Variants in TNFSF4 observed in about 807,000 individuals in gnomAD.
TNFSF4 encodes tumor necrosis factor ligand superfamily member 4.
A neutral mutation model predicts 7.3 loss-of-function variants in TNFSF4; 4 were observed. That is an observed-to-expected ratio of 0.55 (90% CI 0.27 to 1.25). The LOEUF is 1.25. TNFSF4 is among the 50% of genes most tolerant of loss of function. The pLI is 0.12. For synonymous variants in TNFSF4, 76 were observed against 83.7 expected (o/e 0.91, Z 0.50); for missense variants, 181 against 208.8 (o/e 0.87, Z 0.82).
chr1:173,309,391 T>C, the TNFSF4 span, among the ~76,000 whole-genome samples: 4 of 151,948 alleles, frequency 2.6e-5, no homozygotes, highest in Admixed American at 6.6e-5. Context: ...TATCCTTTCA[T>C]AGTTTACTGA....
Position 173,206,970 on chromosome 1 carries a change from C to G in TNFSF4, c.153+54G>C, listed in dbSNP as rs372911992. On this transcript the variant is annotated intron_variant, in intron 1 of 2. Coordinates refer to ENST00000281834, the MANE Select transcript of TNFSF4 (RefSeq NM_003326.5). ...TCCAAGCGACTGTTTGCAGCTGTTGCAGCTGCCATCAGCATGAGCTGGTGG... is the reference window on the plus strand; with the variant it reads ...TCCAAGCGACTGTTTGCAGCTGTTGGAGCTGCCATCAGCATGAGCTGGTGG... The G allele has an allele frequency of 4.0e-5, 62 of 1,535,296 alleles. No individual in the cohort carries two copies. In the East Asian group the frequency reaches 9.5e-4, roughly 24 times the overall value.
the TNFSF4 span, among the ~76,000 whole-genome samples, chr1:173,292,757 G>A: frequency 6.6e-6 from 1 of 151,988 alleles, no homozygotes; most frequent in Admixed American, 6.6e-5. Flanking sequence ...CAAAGACTCT[G>A]CCAAAAGGGT....
chr1:173,301,179 T>C, the TNFSF4 span, among the ~76,000 whole-genome samples: 1 of 151,966 alleles, frequency 6.6e-6, no homozygotes, highest in Non-Finnish European at 1.5e-5. Flanking sequence ...ATGAAGAAGC[T>C]ATTATCTTTA....
chr1:173,229,152 A>T, the TNFSF4 span, among the ~76,000 whole-genome samples: 11 of 152,240 alleles, frequency 7.2e-5, no homozygotes, highest in African/African-American at 2.7e-4. Flanking sequence ...GTTGAAATGA[A>T]GGAAAAAATG....
the TNFSF4 span, among the ~76,000 whole-genome samples, chr1:173,214,057 G>A: frequency 1.4e-4 from 21 of 152,180 alleles, no homozygotes; most frequent in African/African-American, 4.6e-4. Context: ...GAGAAACCCT[G>A]ATGTGGATAC....
the TNFSF4 span, among the ~76,000 whole-genome samples, chr1:173,243,000 TGGGTGGG>T: frequency 3.0e-3 from 16 of 5,410 alleles, 5 homozygotes; most frequent in Non-Finnish European, 5.5e-3. Flanking sequence ...AAGAAGTTGG[TGGGTGGG>T]GGGGGGGGGG....
chr1:173,299,229 G>T, the TNFSF4 span, among the ~76,000 whole-genome samples: 5 of 151,948 alleles, frequency 3.3e-5, no homozygotes, highest in South Asian at 1.0e-3. Flanking sequence ...CTGCTTTTAG[G>T]AGTATTGACA....
chr1:173,278,601 T>C, the TNFSF4 span, among the ~76,000 whole-genome samples: 2 of 152,226 alleles, frequency 1.3e-5, no homozygotes, highest in Admixed American at 1.3e-4. Context: ...GCACTTTACA[T>C]CTTAACAAAT....
chr1:173,214,476 A>T, the TNFSF4 span, among the ~76,000 whole-genome samples: 1 of 152,248 alleles, frequency 6.6e-6, no homozygotes, highest in Non-Finnish European at 1.5e-5. Flanking sequence ...CTTCCTGTCA[A>T]TTCGATCAAG....
chr1:173,290,645 C>T, the TNFSF4 span, among the ~76,000 whole-genome samples: 4 of 152,258 alleles, frequency 2.6e-5, no homozygotes, highest in Non-Finnish European at 5.9e-5. Context: ...GAGACTTCAA[C>T]ACCCCACTGA....
chr1:173,389,875 T>C, the TNFSF4 span, among the ~76,000 whole-genome samples: 1 of 152,210 alleles, frequency 6.6e-6, no homozygotes, highest in African/African-American at 2.4e-5. Flanking sequence ...TAGCTTCTTC[T>C]ATTTGTTGAG....
the TNFSF4 span, among the ~76,000 whole-genome samples, chr1:173,295,321 G>A: frequency 1.3e-5 from 2 of 151,980 alleles, no homozygotes; most frequent in Non-Finnish European, 2.9e-5. Flanking sequence ...GCTAAAAGCT[G>A]AAAACAACCT....
chr1:173,444,751 G>C, the TNFSF4 span, among the ~76,000 whole-genome samples: 1 of 152,144 alleles, frequency 6.6e-6, no homozygotes, highest in Non-Finnish European at 1.5e-5. Flanking sequence ...AGGGGTGGGA[G>C]AAGAGAAGAA....
the TNFSF4 span, among the ~76,000 whole-genome samples, chr1:173,372,474 C>A: frequency 6.6e-6 from 1 of 152,194 alleles, no homozygotes; most frequent in South Asian, 2.1e-4. Context: ...GGGAATAGCT[C>A]TTGGAGTCCT....
chr1:173,342,655 C>T, the TNFSF4 span, among the ~76,000 whole-genome samples: 1 of 152,182 alleles, frequency 6.6e-6, no homozygotes, highest in Non-Finnish European at 1.5e-5. Context: ...CCTCCCTCCT[C>T]CCTCTTAACA....
At chr1:173,182,930 T>G (rs940535813), downstream of TNFSF4, among the ~76,000 whole-genome samples, 1 of 152,192 alleles carries the variant, frequency 6.6e-6, no homozygotes, top group African/African-American at 2.4e-5. Flanking sequence ...AAGCTGCCAC[T>G]CTGTTTGGGA....
At chr1:173,431,430 C>T in the TNFSF4 span, among the ~76,000 whole-genome samples, 3 of 152,188 alleles carry the variant, frequency 2.0e-5, no homozygotes, top group Non-Finnish European at 2.9e-5. Flanking sequence ...AAGAGCCATG[C>T]GCTGATTGTT....
chr1:173,256,627 A>G, the TNFSF4 span, among the ~76,000 whole-genome samples: 6 of 152,330 alleles, frequency 3.9e-5, no homozygotes, highest in East Asian at 1.2e-3. Context: ...AGCCTGATGT[A>G]GATTCTGGCC....
chr1:173,338,789 G>A, the TNFSF4 span, among the ~76,000 whole-genome samples: 1 of 152,200 alleles, frequency 6.6e-6, no homozygotes, highest in East Asian at 1.9e-4. Context: ...ATGCTACAAC[G>A]ATTCCATTGA....
Sources: allele counts gnomAD v4.1 joint callset (sites outside exome capture counted in the v4.1 genomes callset), GRCh38; gene constraint gnomAD v4.1.1; transcripts MANE v1.5; gene names NCBI Gene and HGNC (gene_info 2026-07-23, HGNC 2026-07-21).